Variants in MYO16 observed in about 807,000 individuals in gnomAD.
MYO16 encodes the protein myosin XVI.
MYO16 carries 94 observed loss-of-function variants against 205.3 expected under a neutral mutation model. The observed-to-expected ratio is 0.46, with a 90% CI of 0.39 to 0.54. MYO16 has a LOEUF of 0.54. Ranked by LOEUF, MYO16 falls within the 20% of genes least tolerant of loss-of-function variation. MYO16 has a pLI of 0.00. For synonymous variants in MYO16, 988 were observed against 954.0 expected (o/e 1.04, Z -0.66); for missense variants, 2,315 against 2,387.5 (o/e 0.97, Z 0.63).
chr13:108,872,680 ATAAG>A (rs1259377361), intron 12 of MYO16, among the ~76,000 whole-genome samples: 3 of 151,510 alleles, frequency 2.0e-5, no homozygotes, highest in East Asian at 1.9e-4. Context: ...TATTTAATAT[ATAAG>A]TATTATGATT....
intron 21 of MYO16, among the ~76,000 whole-genome samples, chr13:109,007,121 G>A (rs1885413072): frequency 6.6e-6 from 1 of 152,200 alleles, no homozygotes; most frequent in East Asian, 1.9e-4. Context: ...AGGGGCGGTG[G>A]CTCATGCCTG....
chr13:108,644,826 T>G (rs867689543), intron 1 of MYO16, among the ~76,000 whole-genome samples: 7 of 152,350 alleles, frequency 4.6e-5, no homozygotes, highest in African/African-American at 1.4e-4. Flanking sequence ...GACACTGGTT[T>G]AAAAATATAG....
intron 34 of MYO16, among the ~76,000 whole-genome samples, chr13:109,205,174 T>C (rs920871721): frequency 6.6e-6 from 1 of 152,242 alleles, no homozygotes; most frequent in African/African-American, 2.4e-5. Flanking sequence ...TCTTCTTTCC[T>C]CTGGTTGTCT....
intron 16 of MYO16, among the ~76,000 whole-genome samples, chr13:108,929,676 T>A (rs1273221655): frequency 6.6e-6 from 1 of 152,098 alleles, no homozygotes; most frequent in Non-Finnish European, 1.5e-5. Context: ...CAGAATCTAG[T>A]GGGTGGAGCA....
the MYO16 span, among the ~76,000 whole-genome samples, chr13:108,546,994 C>G: frequency 1.2e-3 from 184 of 152,078 alleles, no homozygotes; most frequent in African/African-American, 4.2e-3. Flanking sequence ...AACTCAGGGC[C>G]GGGTACGGTG....
intron 16 of MYO16, among the ~76,000 whole-genome samples, chr13:108,949,562 T>C (rs1482186186): frequency 2.6e-5 from 4 of 152,242 alleles, no homozygotes; most frequent in Non-Finnish European, 5.9e-5. Context: ...AATGTTCATT[T>C]ATTGGAAGAT....
At chr13:108,533,071 T>A in the MYO16 span, among the ~76,000 whole-genome samples, 1 of 152,270 alleles carries the variant, frequency 6.6e-6, no homozygotes, top group Admixed American at 6.5e-5. Context: ...TCTGTTTTCC[T>A]TTCAAATTAT....
At chr13:109,195,512 G>A (rs190916945) in intron 34 of MYO16, among the ~76,000 whole-genome samples, 1 of 152,032 alleles carries the variant, frequency 6.6e-6, no homozygotes. Flanking sequence ...AGTAGACTTC[G>A]GTTTTATAGA....
intron 15 of MYO16, among the ~76,000 whole-genome samples, chr13:108,907,529 C>T (rs9521091): frequency 0.92 from 140,044 of 152,220 alleles, 64,636 homozygotes; most frequent in Non-Finnish European, 0.96. Context: ...TACCGTTTCA[C>T]TTCAGACACA....
the MYO16 span, among the ~76,000 whole-genome samples, chr13:108,547,531 C>T: frequency 4.2e-4 from 64 of 152,164 alleles, 1 homozygote; most frequent in East Asian, 9.9e-3. Context: ...TGACAGCCAG[C>T]GCACACCACT....
chr13:109,046,077 C>T (rs1024707248), intron 23 of MYO16, among the ~76,000 whole-genome samples: 1 of 152,238 alleles, frequency 6.6e-6, no homozygotes, highest in Non-Finnish European at 1.5e-5. Flanking sequence ...ATGGCTGATG[C>T]TCACCCCCTT....
intron 32 of MYO16, among the ~76,000 whole-genome samples, chr13:109,157,363 C>T (rs779009014): frequency 2.6e-5 from 4 of 152,012 alleles, no homozygotes; most frequent in Admixed American, 6.6e-5. Flanking sequence ...TCCCACTTCC[C>T]GGTGCGGAGG....
chr13:108,856,400 A>G (rs1248600710), intron 11 of MYO16, among the ~76,000 whole-genome samples: 1 of 152,216 alleles, frequency 6.6e-6, no homozygotes, highest in Non-Finnish European at 1.5e-5. Flanking sequence ...CTTACAAGTA[A>G]TAAATTGTCA....
At position 109,200,942 on chromosome 13, in the gene MYO16, G is replaced by A. The variant is rs568543870; in HGVS notation, c.5416-5667G>A. On this transcript the variant is annotated intron_variant, in intron 34 of 34. Coordinates refer to ENST00000457511, the MANE Select transcript of MYO16 (RefSeq NM_001198950.3). ...ATTTTGTGCTTGGTGTAAGCACAGA[G>A]TTGTATGGTCTATCAAACACTAGCA... Among the ~76,000 whole-genome samples the A allele has an allele frequency of 3.9e-5, 6 of 152,216 alleles. No homozygotes were observed. In the East Asian group the frequency reaches 1.2e-3, roughly 29 times the overall value.
intron 23 of MYO16, among the ~76,000 whole-genome samples, chr13:109,022,411 A>G (rs1566466218): frequency 4.2e-5 from 5 of 120,442 alleles, no homozygotes; most frequent in Non-Finnish European, 8.0e-5. Flanking sequence ...ATATGTATAT[A>G]TTGTATATAC....
At chr13:109,011,674 C>T (rs549687031) in intron 22 of MYO16, among the ~76,000 whole-genome samples, 1 of 151,974 alleles carries the variant, frequency 6.6e-6, no homozygotes, top group South Asian at 2.1e-4. Flanking sequence ...GCCACCACAC[C>T]TGGCTAATTT....
chr13:108,772,894 A>G (rs900785304), intron 4 of MYO16, among the ~76,000 whole-genome samples: 12 of 152,146 alleles, frequency 7.9e-5, no homozygotes, highest in Non-Finnish European at 1.8e-4. Context: ...ATGATGGGTG[A>G]GTTTGGATGT....
chr13:108,844,523 G>C, intron 10 of MYO16, 30 bp downstream of exon 10: 1 of 1,547,970 alleles, frequency 6.5e-7, no homozygotes, highest in African/African-American at 1.4e-5. Context: ...GTGTCTACCA[G>C]TACTTTTTCA....
intron 22 of MYO16, among the ~76,000 whole-genome samples, chr13:109,011,712 A>G (rs1446108614): frequency 6.6e-6 from 1 of 151,602 alleles, no homozygotes; most frequent in East Asian, 1.9e-4. Flanking sequence ...ACAGGGTTTC[A>G]CCATGTTGGC....
Sources: allele counts gnomAD v4.1 joint callset (sites outside exome capture counted in the v4.1 genomes callset), GRCh38; gene constraint gnomAD v4.1.1; transcripts MANE v1.5; gene names NCBI Gene and HGNC (gene_info 2026-07-23, HGNC 2026-07-21).